Variants in ATRNL1 observed in about 807,000 individuals in gnomAD.
ATRNL1 encodes attractin like 1.
In ATRNL1, 95 loss-of-function variants were observed where a neutral mutation model predicts 182.7. The observed-to-expected ratio is 0.52, with a 90% CI of 0.44 to 0.62. The LOEUF is 0.62. Among genes scored for constraint, ATRNL1 ranks in the 20% least tolerant of loss-of-function variants. ATRNL1 has a pLI of 0.00. For synonymous variants in ATRNL1, 576 were observed against 568.3 expected, an observed-to-expected ratio of 1.01 and a Z score of -0.19; for missense variants, 1,471 against 1,679.5, an observed-to-expected ratio of 0.88 and a Z score of 2.17.
intron 8 of ATRNL1, among the ~76,000 whole-genome samples, chr10:115,199,367 C>T (rs1554891775): frequency 6.6e-6 from 1 of 151,908 alleles, no homozygotes; most frequent in African/African-American, 2.4e-5. Context: ...GAGATCGAGA[C>T]CTTCCAGGCC....
Position 115,549,577 on chromosome 10 carries a change from G to A in ATRNL1, c.3795+41G>A, listed in dbSNP as rs782071622. 2.0e-5 allele frequency: 28 copies of A among 1,383,304 alleles called. No individual in the cohort carries two copies. The South Asian group carries it at 3.1e-4, about 15-fold the overall frequency. The allele number at this position is 1,383,304 out of a possible 1,614,324, so 85.7% of individuals were successfully genotyped here. A position where few individuals can be genotyped will look rare whatever the true frequency, so the allele number is the denominator to read the frequency against. ...TTTAATCTTTTGTTTAAAGATTTAA[G>A]CAAATATATGGATCTCTATTGTCTG... On this transcript the variant is annotated intron_variant, in intron 26 of 28. Coordinates refer to ENST00000355044, the MANE Select transcript of ATRNL1 (RefSeq NM_207303.4).
intron 26 of ATRNL1, among the ~76,000 whole-genome samples, chr10:115,714,356 A>G (rs1947182713): frequency 6.6e-6 from 1 of 151,700 alleles, no homozygotes; most frequent in South Asian, 2.1e-4. Flanking sequence ...GCAAAGTGAG[A>G]GAATTTCCTG....
At chr10:115,854,047 CCAAA>C (rs201756941) in intron 28 of ATRNL1, among the ~76,000 whole-genome samples, 74 of 152,250 alleles carry the variant, frequency 4.9e-4, no homozygotes, top group African/African-American at 1.6e-3. Flanking sequence ...CTATAGTGAA[CCAAA>C]CAGTGTTCCT....
At chr10:115,713,839 C>A (rs1322033821) in intron 26 of ATRNL1, among the ~76,000 whole-genome samples, 1 of 152,058 alleles carries the variant, frequency 6.6e-6, no homozygotes, top group Non-Finnish European at 1.5e-5. Context: ...TACACAGATA[C>A]GTTTCTCAGT....
chr10:115,322,777 TTAG>T (rs2134035658), intron 18 of ATRNL1, among the ~76,000 whole-genome samples: 1 of 152,248 alleles, frequency 6.6e-6, no homozygotes, highest in South Asian at 2.1e-4. Context: ...GGATTCTTAG[TTAG>T]CATTGTTCTT....
rs557184171 is a variant in ATRNL1, at chr10:115,200,672, G to C, written c.1349-15025G>C. 1.5e-3 allele frequency among the ~76,000 whole-genome samples: 208 copies of C among 141,220 alleles called. 1 individual carries two copies. The highest frequency in any genetic ancestry group is 5.3e-3 in the African/African-American group (198 of 37,092). The allele number at this position is 141,220 out of a possible 152,430, so 92.6% of individuals were successfully genotyped here. A position where few individuals can be genotyped will look rare whatever the true frequency, so the allele number is the denominator to read the frequency against. On this transcript the variant is annotated intron_variant, in intron 8 of 28. Transcript: ENST00000355044. ...TTCCAAGTCTTTGCTATTGTGAATA[G>C]TGCCGCAGTAAACATACATGTGCAT...
intron 19 of ATRNL1, among the ~76,000 whole-genome samples, chr10:115,379,484 T>C (rs918498582): frequency 3.3e-5 from 5 of 152,224 alleles, no homozygotes; most frequent in Non-Finnish European, 2.9e-5. Flanking sequence ...CAAGCATAAC[T>C]AGTATCCAGT....
chr10:115,460,858 G>A (rs1261138250), intron 21 of ATRNL1, among the ~76,000 whole-genome samples: 2 of 151,754 alleles, frequency 1.3e-5, no homozygotes, highest in East Asian at 3.9e-4. Flanking sequence ...GTATCTCTAG[G>A]GCCTAGAACA....
At chr10:115,410,557 G>T (rs1385058707) in intron 20 of ATRNL1, among the ~76,000 whole-genome samples, 1 of 151,920 alleles carries the variant, frequency 6.6e-6, no homozygotes, top group African/African-American at 2.4e-5. Context: ...TTGACCTCAT[G>T]ATCTGCCCGC....
chr10:115,530,884 T>A (rs1851536405), intron 25 of ATRNL1, among the ~76,000 whole-genome samples: 1 of 149,766 alleles, frequency 6.7e-6, no homozygotes, highest in African/African-American at 2.5e-5. Context: ...TGGTGTTTGG[T>A]TTTTTGTCCT....
At chr10:115,457,337 A>G (rs1554968923) in intron 21 of ATRNL1, among the ~76,000 whole-genome samples, 3 of 152,012 alleles carry the variant, frequency 2.0e-5, no homozygotes, top group Non-Finnish European at 4.4e-5. Flanking sequence ...GTTAAAAGGC[A>G]TCATACACCA....
intron 27 of ATRNL1, among the ~76,000 whole-genome samples, chr10:115,816,639 C>T (rs575621054): frequency 1.0e-4 from 15 of 147,342 alleles, no homozygotes; most frequent in Admixed American, 1.4e-4. Flanking sequence ...CACACACACA[C>T]GTGAAGGAAG....
intron 15 of ATRNL1, among the ~76,000 whole-genome samples, chr10:115,289,410 G>A (rs1852784631): frequency 6.6e-6 from 1 of 151,802 alleles, no homozygotes; most frequent in East Asian, 1.9e-4. Context: ...GTTTATTTTT[G>A]CTTTAGTTTC....
At chr10:115,594,823 A>G (rs1856133095) in intron 26 of ATRNL1, among the ~76,000 whole-genome samples, 1 of 152,168 alleles carries the variant, frequency 6.6e-6, no homozygotes, top group Non-Finnish European at 1.5e-5. Context: ...TATTTCCACT[A>G]AATTCTCTAG....
rs1448672942 is a variant in ATRNL1 at position 115,694,939 on chromosome 10, ACG to A, written c.3796-32307_3796-32306del. Among the ~76,000 whole-genome samples the A allele has an allele frequency of 9.2e-5, 10 of 108,984 alleles. No homozygotes were observed. The East Asian group carries it at 3.7e-3, about 40-fold the overall frequency. 71.5% of individuals were successfully genotyped at this position (108,984 alleles called of 152,430 possible). ...CACACACACACACACACATGCACAC[ACG>A]CACACACACACACACACACAGAGTA... On this transcript the variant is annotated intron_variant, in intron 26 of 28. Coordinates refer to ENST00000355044, the MANE Select transcript of ATRNL1 (RefSeq NM_207303.4).
At chr10:115,619,137 G>T (rs910975386) in intron 26 of ATRNL1, among the ~76,000 whole-genome samples, 1 of 152,188 alleles carries the variant, frequency 6.6e-6, no homozygotes, top group Non-Finnish European at 1.5e-5. Flanking sequence ...GGTTGTTTGT[G>T]TAGGATGTGG....
At chr10:115,891,374 A>G (rs1952075867) in intron 28 of ATRNL1, among the ~76,000 whole-genome samples, 1 of 152,228 alleles carries the variant, frequency 6.6e-6, no homozygotes, top group African/African-American at 2.4e-5. Context: ...CAGAACATCC[A>G]AAAACCAGGC....
intron 26 of ATRNL1, among the ~76,000 whole-genome samples, chr10:115,559,468 G>A (rs117831843): frequency 2.0e-3 from 303 of 150,744 alleles, no homozygotes; most frequent in Middle Eastern, 3.4e-3. Flanking sequence ...ACGCACATGC[G>A]CAACCCTTCT....
In ATRNL1 at chr10:115,866,655, G is replaced by T. The variant is rs1184283013; in HGVS notation, c.4018+18664G>T. Among the ~76,000 whole-genome samples the T allele has an allele frequency of 2.0e-5, 3 of 152,248 alleles. No homozygotes were observed. The East Asian group carries it at 5.8e-4, about 29-fold the overall frequency. On this transcript the variant is annotated intron_variant, in intron 28 of 28. Coordinates refer to ENST00000355044, the MANE Select transcript of ATRNL1 (RefSeq NM_207303.4). ...ACAGTACTCTAGTGTTTCCTGACAG[G>T]AAAGCATTAAATACAGCATAGAAAA...
Sources: gnomAD v4.1 joint callset for allele counts (sites outside exome capture counted in the v4.1 genomes callset) on GRCh38, gnomAD v4.1.1 for gene constraint, MANE v1.5 for transcripts, NCBI Gene and HGNC (gene_info 2026-07-23, HGNC 2026-07-21) for gene names.